WWOX: variants seen among roughly 807,000 people sequenced by gnomAD.
The protein encoded by WWOX is WW domain containing oxidoreductase.
A neutral mutation model predicts 46.2 loss-of-function variants in WWOX; 69 were observed. The ratio of observed to expected loss-of-function variants is 1.49; its 90% CI spans 1.23 to 1.82. The LOEUF (loss-of-function observed/expected upper bound fraction) is 1.82. Ranked by LOEUF, WWOX falls within the 40% of genes most tolerant of loss-of-function variation. The probability of loss-of-function intolerance (pLI) is 0.00; values close to 1 mark genes in which losing one functional copy is unlikely to be tolerated. For missense variants in WWOX, 919 were observed against 542.6 expected (o/e 1.69, Z -6.89); for synonymous variants, 359 against 202.6 (o/e 1.77, Z -6.56).
intron 8 of WWOX, among the ~76,000 whole-genome samples, chr16:78,543,854 A>G (rs1412403762): frequency 1.3e-5 from 2 of 152,042 alleles, no homozygotes; most frequent in Non-Finnish European, 2.9e-5. Flanking sequence ...CCTGCTTATG[A>G]CTCTGAAACC....
At chr16:78,300,849 C>A (rs1165994675) in intron 5 of WWOX, among the ~76,000 whole-genome samples, 4 of 152,116 alleles carry the variant, frequency 2.6e-5, no homozygotes, top group Non-Finnish European at 5.9e-5. Context: ...TCAGTGTCTC[C>A]AGGGGCCATA....
chr16:78,322,772 C>G (rs1330233493), intron 5 of WWOX, among the ~76,000 whole-genome samples: 3 of 152,214 alleles, frequency 2.0e-5, no homozygotes, highest in Non-Finnish European at 4.4e-5. Flanking sequence ...TCTTTTGCAA[C>G]TGTTCCACTT....
intron 8 of WWOX, among the ~76,000 whole-genome samples, chr16:79,006,966 C>G (rs1236037762): frequency 6.6e-6 from 1 of 152,152 alleles, no homozygotes; most frequent in East Asian, 1.9e-4. Flanking sequence ...CAGTTCCACC[C>G]ACAATCTTCA....
At chr16:79,205,736 T>C (rs1250615921) in intron 8 of WWOX, 1 of 152,224 alleles carries the variant, frequency 6.6e-6, no homozygotes, top group Admixed American at 6.5e-5. Flanking sequence ...GGCTGGATTG[T>C]TGAAGGCCTT....
chr16:78,951,347 G>T (rs1170113442), intron 8 of WWOX, among the ~76,000 whole-genome samples: 1 of 149,462 alleles, frequency 6.7e-6, no homozygotes, highest in Admixed American at 6.7e-5. Context: ...ATAGCTTCAA[G>T]CAAGAGTCCC....
intron 8 of WWOX, among the ~76,000 whole-genome samples, chr16:79,132,937 C>A (rs534921548): frequency 7.2e-5 from 11 of 152,310 alleles, no homozygotes; most frequent in African/African-American, 2.6e-4. Flanking sequence ...CTTGGCTGAT[C>A]TGAGTTTCGC....
chr16:78,806,564 C>T (rs973225909), intron 8 of WWOX, among the ~76,000 whole-genome samples: 2 of 152,008 alleles, frequency 1.3e-5, no homozygotes, highest in African/African-American at 4.8e-5. Context: ...GCTGGAGGGT[C>T]TATTGGCTGG....
intron 8 of WWOX, among the ~76,000 whole-genome samples, chr16:79,006,982 C>T (rs1463573634): frequency 6.6e-6 from 1 of 152,118 alleles, no homozygotes; most frequent in South Asian, 2.1e-4. Context: ...CTTCATTTCC[C>T]TTTGTCGCGT....
chr16:78,617,723 G>A (rs757398103), intron 8 of WWOX, among the ~76,000 whole-genome samples: 50 of 152,072 alleles, frequency 3.3e-4, no homozygotes, highest in Admixed American at 3.0e-3. Flanking sequence ...GGAAATCTTT[G>A]TGCATGGCTG....
chr16:78,591,325 T>G (rs2045346850), intron 8 of WWOX, among the ~76,000 whole-genome samples: 1 of 152,154 alleles, frequency 6.6e-6, no homozygotes, highest in Admixed American at 6.5e-5. Context: ...TGTATCAAAT[T>G]TACATAGCCT....
chr16:78,261,811 T>TAC, intron 5 of WWOX, among the ~76,000 whole-genome samples: 1 of 146,406 alleles, frequency 6.8e-6, no homozygotes, highest in East Asian at 2.0e-4. Context: ...TATATATATA[T>TAC]ATATATACTT....
At chr16:78,842,610 T>C (rs2052187673) in intron 8 of WWOX, among the ~76,000 whole-genome samples, 1 of 152,164 alleles carries the variant, frequency 6.6e-6, no homozygotes, top group African/African-American at 2.4e-5. Flanking sequence ...ATGCCTGTAA[T>C]CCCAGCACTT....
chr16:78,817,169 A>ATTTT (rs1460643310), intron 8 of WWOX, among the ~76,000 whole-genome samples: 15 of 26,540 alleles, frequency 5.7e-4, no homozygotes, highest in African/African-American at 1.1e-3. Context: ...CATTAGTGCT[A>ATTTT]TTCTTTTTTT....
At chr16:79,159,971 G>A (rs901409777) in intron 8 of WWOX, among the ~76,000 whole-genome samples, 3 of 151,900 alleles carry the variant, frequency 2.0e-5, no homozygotes, top group South Asian at 2.1e-4. Flanking sequence ...TTCATACCTA[G>A]GGGGCTTTGG....
chr16:78,191,351 G>A (rs6564515), intron 5 of WWOX, among the ~76,000 whole-genome samples: 52,916 of 151,998 alleles, frequency 0.35, 9,709 homozygotes, highest in African/African-American at 0.45. Flanking sequence ...ACAAGGCTTG[G>A]GAATTTTTCT....
intron 6 of WWOX, among the ~76,000 whole-genome samples, chr16:78,417,830 A>T (rs909292520): frequency 6.6e-6 from 1 of 152,180 alleles, no homozygotes; most frequent in Non-Finnish European, 1.5e-5. Context: ...TGGGCACCCT[A>T]TGTGGAAAAC....
intron 4 of WWOX, among the ~76,000 whole-genome samples, chr16:78,127,023 T>C (rs1290052741): frequency 1.3e-5 from 2 of 152,162 alleles, no homozygotes; most frequent in African/African-American, 4.8e-5. Flanking sequence ...GCAAGCTTCA[T>C]TGGTAGCAAG....
chr16:78,898,792 C>T (rs1019635203), intron 8 of WWOX: 2 of 152,058 alleles, frequency 1.3e-5, no homozygotes, highest in Non-Finnish European at 2.9e-5. Context: ...ATAAACATTT[C>T]AGTGATATTT....
In WWOX at chr16:78,318,710, TGTAA is replaced by T. The variant is rs2080404621; in HGVS notation, c.517-68146_517-68143del. On this transcript the variant is annotated intron_variant, in intron 5 of 8. Transcript: ENST00000566780. ...AGCTGTACTGTACATACATAATTTCTGTAAGTACTGGCTATTTTAAAAATTATTT... is the reference window on the plus strand; with the variant it reads ...AGCTGTACTGTACATACATAATTTCTGTACTGGCTATTTTAAAAATTATTT... Among the ~76,000 whole-genome samples the T allele has an allele frequency of 4.6e-5, 7 of 152,332 alleles. No individual in the cohort carries two copies. In the South Asian group the frequency reaches 1.4e-3, roughly 32 times the overall value.
Sources: allele counts gnomAD v4.1 joint callset (sites outside exome capture counted in the v4.1 genomes callset), GRCh38; gene constraint gnomAD v4.1.1; transcripts MANE v1.5; gene names NCBI Gene and HGNC (gene_info 2026-07-23, HGNC 2026-07-21).